IFT74: variants seen among roughly 807,000 people sequenced by gnomAD.
IFT74 encodes the protein intraflagellar transport 74, also known as intraflagellar transport protein 74 homolog.
IFT74 carries 92 observed loss-of-function variants against 96.7 expected under a neutral mutation model. The ratio of observed to expected loss-of-function variants is 0.95; its 90% CI spans 0.80 to 1.13. The LOEUF (loss-of-function observed/expected upper bound fraction) is 1.13, where lower values mean the gene tolerates loss of function less well. Ranked by LOEUF, IFT74 falls within the 50% of genes most tolerant of loss-of-function variation. The pLI is 0.00. For missense variants in IFT74, 811 were observed against 698.2 expected (o/e 1.16, Z -1.82); for synonymous variants, 223 against 213.2 (o/e 1.05, Z -0.40).
chr9:27,056,328 T>A lies in IFT74; in HGVS notation c.1498-6T>A. 1 of 1,553,274 alleles carries A rather than the reference T, an allele frequency of 6.4e-7. No individual in the cohort carries two copies. The highest frequency in any genetic ancestry group is 8.8e-7 in the Non-Finnish European group (1 of 1,142,296). On this transcript the variant is annotated splice_polypyrimidine_tract_variant and splice_region_variant and intron_variant, in intron 17 of 19. Coordinates refer to ENST00000380062, the MANE Select transcript of IFT74 (RefSeq NM_025103.4). ...TAACCTGTCACTTCTATTTGGATCT[T>A]TCTAGAAATTACATCAGGAGAGAAT...
chr9:27,032,140 T>G (rs1830153649), intron 13 of IFT74, among the ~76,000 whole-genome samples: 1 of 152,240 alleles, frequency 6.6e-6, no homozygotes, highest in Non-Finnish European at 1.5e-5. Context: ...GCAAAAATAC[T>G]GAGCCTTTTG....
intron 13 of IFT74, among the ~76,000 whole-genome samples, chr9:27,039,685 A>G (rs1819379504): frequency 1.3e-5 from 2 of 152,162 alleles, no homozygotes; most frequent in South Asian, 4.1e-4. Context: ...TTTACAATAT[A>G]TTAGGTATCA....
At chr9:26,990,456 G>A (rs1156345705) in intron 8 of IFT74, among the ~76,000 whole-genome samples, 1 of 152,136 alleles carries the variant, frequency 6.6e-6, no homozygotes, top group Non-Finnish European at 1.5e-5. Flanking sequence ...ACTTATGATG[G>A]ATAAGAACAT....
intron 1 of IFT74, among the ~76,000 whole-genome samples, chr9:26,961,240 G>A (rs1025336678): frequency 1.3e-5 from 2 of 151,218 alleles, no homozygotes; most frequent in Non-Finnish European, 3.0e-5. Context: ...ACAGGCACCC[G>A]CCACCACGCC....
chr9:27,046,643 A>G (rs117734040), intron 14 of IFT74, among the ~76,000 whole-genome samples: 2,770 of 152,300 alleles, frequency 0.018, 35 homozygotes, highest in Middle Eastern at 0.027. Context: ...GAAATTATAG[A>G]AATAAAGTTA....
chr9:27,002,826 G>T (rs1828572044), intron 8 of IFT74, among the ~76,000 whole-genome samples: 1 of 152,124 alleles, frequency 6.6e-6, no homozygotes, highest in African/African-American at 2.4e-5. Context: ...CTTCTATGAA[G>T]AGCGTCACTG....
chr9:27,023,303 G>A (rs1349318014), intron 12 of IFT74, among the ~76,000 whole-genome samples: 1 of 152,166 alleles, frequency 6.6e-6, no homozygotes, highest in Non-Finnish European at 1.5e-5. Flanking sequence ...GTTTGTCATA[G>A]ATAGCTTTTA....
At chr9:26,947,355 A>C in intron 1 of IFT74, 2 of 350,360 alleles carry the variant, frequency 5.7e-6, no homozygotes, top group Non-Finnish European at 1.0e-5. Context: ...AGGGCTCTGG[A>C]CTCCCTGCTG....
At chr9:27,004,268 A>G (rs1828660568) in intron 8 of IFT74, among the ~76,000 whole-genome samples, 1 of 152,254 alleles carries the variant, frequency 6.6e-6, no homozygotes. Flanking sequence ...GAAAAAAATC[A>G]TAAGGATTAG....
At chr9:27,023,061 G>A (rs1829691974) in intron 12 of IFT74, among the ~76,000 whole-genome samples, 1 of 152,202 alleles carries the variant, frequency 6.6e-6, no homozygotes, top group Non-Finnish European at 1.5e-5. Flanking sequence ...TTTTCTGGTT[G>A]AGTCTTCAGG....
intron 18 of IFT74, among the ~76,000 whole-genome samples, chr9:27,058,844 T>A (rs1483435679): frequency 6.6e-6 from 1 of 152,208 alleles, no homozygotes; most frequent in Non-Finnish European, 1.5e-5. Flanking sequence ...TAATTCAAAT[T>A]TACCAGTTAT....
Position 27,055,517 on chromosome 9 carries a change from A to T in IFT74, c.1334-92A>T, listed in dbSNP as rs995600883. Reference sequence around the variant, plus strand: ...ATATATTTCTTTTACAGATATTCTTAAAAAACATGATTTTTAATAGTTGCA... The same window carrying T: ...ATATATTTCTTTTACAGATATTCTTTAAAAACATGATTTTTAATAGTTGCA... On this transcript the variant is annotated intron_variant, in intron 16 of 19. Transcript: ENST00000380062. The T allele has an allele frequency of 4.6e-5, 39 of 851,348 alleles. No homozygotes were observed. The African/African-American group carries it at 5.1e-4, about 11-fold the overall frequency. The allele number at this position is 851,348 out of a possible 1,614,324, so 52.7% of individuals were successfully genotyped here. A position where few individuals can be genotyped will look rare whatever the true frequency, so the allele number is the denominator to read the frequency against.
chr9:27,050,427 G>A (rs778145020), intron 16 of IFT74, among the ~76,000 whole-genome samples: 18 of 152,266 alleles, frequency 1.2e-4, no homozygotes, highest in Middle Eastern at 3.4e-3. Context: ...GATGGTGCAG[G>A]TGGAGATTAG....
chr9:27,024,827 A>G (rs181636635), intron 12 of IFT74, among the ~76,000 whole-genome samples: 16 of 152,156 alleles, frequency 1.1e-4, no homozygotes, highest in Non-Finnish European at 1.5e-4. Flanking sequence ...AACAGTCACA[A>G]CTTCTGGAAA....
At chr9:26,971,774 G>A (rs529912150) in intron 2 of IFT74, among the ~76,000 whole-genome samples, 47 of 152,138 alleles carry the variant, frequency 3.1e-4, no homozygotes, top group African/African-American at 7.5e-4. Context: ...CCAAGTCTTG[G>A]CCTTTACTAT....
intron 2 of IFT74, among the ~76,000 whole-genome samples, chr9:26,977,723 A>G (rs1282243872): frequency 6.6e-6 from 1 of 152,132 alleles, no homozygotes; most frequent in Admixed American, 6.5e-5. Flanking sequence ...TCCTGACCTC[A>G]CATGATCCAC....
At chr9:27,036,839 A>G in intron 13 of IFT74, 1 of 1,033,044 alleles carries the variant, frequency 9.7e-7, no homozygotes, top group Non-Finnish European at 1.2e-6. Flanking sequence ...ATAAAACAGA[A>G]GGAAGCTGAA....
chr9:27,055,013 G>A (rs113632355), intron 16 of IFT74, among the ~76,000 whole-genome samples: 478 of 152,256 alleles, frequency 3.1e-3, no homozygotes, highest in African/African-American at 0.011. Flanking sequence ...ACAACCTATA[G>A]TAAATAAAAT....
intron 12 of IFT74, among the ~76,000 whole-genome samples, chr9:27,023,612 G>C (rs1412659132): frequency 6.6e-6 from 1 of 152,026 alleles, no homozygotes; most frequent in African/African-American, 2.4e-5. Flanking sequence ...TTGGTCCATA[G>C]TTTTCTTTTT....
Sources: gnomAD v4.1 joint callset for allele counts (sites outside exome capture counted in the v4.1 genomes callset) on GRCh38, gnomAD v4.1.1 for gene constraint, MANE v1.5 for transcripts, NCBI Gene and HGNC (gene_info 2026-07-23, HGNC 2026-07-21) for gene names.